MED12L: variants seen among roughly 807,000 people sequenced by gnomAD.
MED12L encodes the protein mediator of RNA polymerase II transcription subunit 12-like protein.
In MED12L, 60 loss-of-function variants were observed where a neutral mutation model predicts 281.3. The ratio of observed to expected loss-of-function variants is 0.21; its 90% CI spans 0.17 to 0.26. MED12L has a LOEUF of 0.26. MED12L is among the 10% of genes least tolerant of loss of function. MED12L has a pLI of 1.00. For missense variants in MED12L, 2,146 were observed against 2,680.9 expected (o/e 0.80, Z 4.41); for synonymous variants, 974 against 987.2 (o/e 0.99, Z 0.25).
chr3:151,258,218 A>G (rs1195925077), intron 16 of MED12L, among the ~76,000 whole-genome samples: 4 of 152,216 alleles, frequency 2.6e-5, no homozygotes, highest in Non-Finnish European at 5.9e-5. Flanking sequence ...TCTGGAAGCT[A>G]GATGGGAACT....
intron 16 of MED12L, among the ~76,000 whole-genome samples, chr3:151,335,922 TTTCA>T (rs1422684983): frequency 6.6e-6 from 1 of 152,216 alleles, no homozygotes; most frequent in Non-Finnish European, 1.5e-5. Flanking sequence ...TTTCTGTTTA[TTTCA>T]TCTCTTGTGG....
intron 16 of MED12L, among the ~76,000 whole-genome samples, chr3:151,343,046 G>C (rs1379989663): frequency 1.3e-5 from 2 of 152,050 alleles, no homozygotes; most frequent in African/African-American, 4.8e-5. Flanking sequence ...TTCTGTACCT[G>C]AGAATCTTTC....
intron 16 of MED12L, among the ~76,000 whole-genome samples, chr3:151,216,715 C>T (rs887430610): frequency 6.6e-6 from 1 of 152,250 alleles, no homozygotes. Flanking sequence ...TGGGTTTGTA[C>T]TCATTTGCTT....
intron 39 of MED12L, among the ~76,000 whole-genome samples, chr3:151,406,239 T>G (rs1311719364): frequency 6.6e-6 from 1 of 152,256 alleles, no homozygotes; most frequent in Non-Finnish European, 1.5e-5. Context: ...TCTAGTTTCC[T>G]TTATTATTCC....
chr3:151,136,051 C>A (rs895355783), intron 5 of MED12L, among the ~76,000 whole-genome samples: 1 of 152,122 alleles, frequency 6.6e-6, no homozygotes, highest in East Asian at 1.9e-4. Flanking sequence ...TAGTCATTTC[C>A]TCTGTGCCAC....
At chr3:151,226,138 A>G (rs1328287320) in intron 16 of MED12L, among the ~76,000 whole-genome samples, 1 of 152,216 alleles carries the variant, frequency 6.6e-6, no homozygotes, top group East Asian at 1.9e-4. Context: ...TGAAGGAGGA[A>G]GCACAGGAAC....
chr3:151,398,626 T>A (rs62285910), intron 39 of MED12L, among the ~76,000 whole-genome samples: 9,238 of 152,302 alleles, frequency 0.061, 421 homozygotes, highest in Middle Eastern at 0.18. Context: ...TATATTTCCC[T>A]ATAGCTTTAG....
At chr3:151,205,577 A>G (rs1726231311) in intron 16 of MED12L, among the ~76,000 whole-genome samples, 2 of 152,116 alleles carry the variant, frequency 1.3e-5, no homozygotes, top group African/African-American at 4.8e-5. Flanking sequence ...GGGGAAAGCA[A>G]ATGTTGGGGT....
chr3:151,164,932 A>C (rs933326025), intron 9 of MED12L, among the ~76,000 whole-genome samples: 1 of 152,070 alleles, frequency 6.6e-6, no homozygotes. Context: ...CAGCACACCA[A>C]CATGGCGCAT....
At chr3:151,106,679 CCT>C (rs1484431672) in intron 2 of MED12L, among the ~76,000 whole-genome samples, 7 of 152,130 alleles carry the variant, frequency 4.6e-5, no homozygotes, top group Admixed American at 6.5e-5. Context: ...CCATGCCCAT[CCT>C]CTGTCTTTTC....
At position 151,426,716 on chromosome 3, in the gene MED12L, T is replaced by C. The variant is rs558823888; in HGVS notation, c.6409-3583T>C. On this transcript the variant is annotated intron_variant, in intron 43 of 44. Transcript: ENST00000687756. ...TATTCGTTAATACTAAATATTGTTATGTTTAGTACCTAAAGATAAACTTAT... is the reference window on the plus strand; with the variant it reads ...TATTCGTTAATACTAAATATTGTTACGTTTAGTACCTAAAGATAAACTTAT... Among the ~76,000 whole-genome samples the C allele has an allele frequency of 2.0e-5, 3 of 152,362 alleles. No individual in the cohort carries two copies. The South Asian group carries it at 6.2e-4, about 32-fold the overall frequency.
At chr3:151,319,913 G>A (rs188431539) in intron 16 of MED12L, among the ~76,000 whole-genome samples, 27 of 152,226 alleles carry the variant, frequency 1.8e-4, no homozygotes, top group Admixed American at 9.8e-4. Flanking sequence ...AGACAGGGGC[G>A]CTCAAGGAGA....
intron 15 of MED12L, among the ~76,000 whole-genome samples, chr3:151,192,906 C>G (rs979648833): frequency 6.6e-6 from 1 of 152,180 alleles, no homozygotes; most frequent in East Asian, 1.9e-4. Context: ...TTGAGCTCAT[C>G]ATCATCTCAT....
At chr3:151,383,683 TTAAA>T in intron 33 of MED12L, 92 bp from the exon 34 acceptor site, 1 of 743,926 alleles carries the variant, frequency 1.3e-6, no homozygotes, top group Admixed American at 3.2e-5. Flanking sequence ...CCTTGTTTTT[TTAAA>T]TAAAAAACAA....
At chr3:151,239,864 C>T (rs1369778093) in intron 16 of MED12L, among the ~76,000 whole-genome samples, 1 of 152,208 alleles carries the variant, frequency 6.6e-6, no homozygotes, top group Non-Finnish European at 1.5e-5. Flanking sequence ...AAGGACACCA[C>T]ATTTTATGAA....
chr3:151,286,575 T>G (rs903507365), intron 16 of MED12L, among the ~76,000 whole-genome samples: 2 of 152,190 alleles, frequency 1.3e-5, no homozygotes, highest in African/African-American at 4.8e-5. Context: ...GTTAGCTCCA[T>G]GGAAGAAGCT....
chr3:151,124,849 G>A (rs1714273671), intron 4 of MED12L, among the ~76,000 whole-genome samples: 1 of 152,192 alleles, frequency 6.6e-6, no homozygotes, highest in Non-Finnish European at 1.5e-5. Flanking sequence ...ATTCTTCCAG[G>A]TCTTGAGCAG....
intron 16 of MED12L, among the ~76,000 whole-genome samples, chr3:151,255,316 A>G (rs1737613929): frequency 6.6e-6 from 1 of 152,164 alleles, no homozygotes; most frequent in Non-Finnish European, 1.5e-5. Flanking sequence ...TGTGACATGC[A>G]GTGTGACTTA....
intron 16 of MED12L, among the ~76,000 whole-genome samples, chr3:151,312,179 G>A (rs1372564644): frequency 6.6e-6 from 1 of 152,216 alleles, no homozygotes; most frequent in Non-Finnish European, 1.5e-5. Flanking sequence ...GCAGGTCTGA[G>A]GAGGAACAAG....
Sources: gnomAD v4.1 joint callset for allele counts (sites outside exome capture counted in the v4.1 genomes callset) on GRCh38, gnomAD v4.1.1 for gene constraint, MANE v1.5 for transcripts, NCBI Gene and HGNC (gene_info 2026-07-23, HGNC 2026-07-21) for gene names.